The following HK3 variants were observed in gnomAD, a reference collection of about 807,000 sequenced individuals.
HK3 encodes hexokinase 3.
In HK3, 93 loss-of-function variants were observed where a neutral mutation model predicts 91.0. The observed-to-expected ratio is 1.02, with a 90% CI of 0.86 to 1.21. The LOEUF (loss-of-function observed/expected upper bound fraction) is 1.21. Ranked by LOEUF, HK3 falls within the 50% of genes most tolerant of loss-of-function variation. The pLI, the probability that HK3 is intolerant of heterozygous loss-of-function variation, is 0.00. For missense variants in HK3, 1,235 were observed against 1,247.4 expected (o/e 0.99, Z 0.15); for synonymous variants, 519 against 516.9 (o/e 1.00, Z -0.06).
At position 176,882,287 on chromosome 5, in the gene HK3, C is replaced by T. The variant is rs1434823386; in HGVS notation, c.2054-160G>A. 2.9e-5 allele frequency: 22 copies of T among 752,818 alleles called. No homozygotes were observed. The East Asian group carries it at 5.4e-4, about 19-fold the overall frequency. 46.6% of individuals were successfully genotyped at this position (752,818 alleles called of 1,614,324 possible). ...TGGTCCTTCTTCCTTCCCGACATCC[C>T]TCGTGCAGACCCTGCCAGCTCCAAG... On this transcript the variant is annotated intron_variant, in intron 15 of 18. Coordinates refer to ENST00000292432, the MANE Select transcript of HK3 (RefSeq NM_002115.3).
chr5:176,880,965 TG>T lies in HK3; in HGVS notation c.*107del. 1 of 1,317,052 alleles carries T rather than the reference TG, an allele frequency of 7.6e-7. No individual in the cohort carries two copies. Among genetic ancestry groups the T allele is most frequent in the Non-Finnish European group, 1.0e-6 (1 of 984,424 alleles). The allele number at this position is 1,317,052 out of a possible 1,614,324, so 81.6% of individuals were successfully genotyped here. A position where few individuals can be genotyped will look rare whatever the true frequency, so the allele number is the denominator to read the frequency against. ...CAAATGGCCGCAGAGGGGTCACACATGGGATGTCCCAGGAGTCCTGGGTGGC... is the reference window on the plus strand; with the variant it reads ...CAAATGGCCGCAGAGGGGTCACACATGGATGTCCCAGGAGTCCTGGGTGGC... On this transcript the variant is annotated 3_prime_UTR_variant, in exon 19 of 19. Coordinates refer to ENST00000292432, the MANE Select transcript of HK3 (RefSeq NM_002115.3).
Position 176,880,955 on chromosome 5 carries a change from G to T in HK3, c.*118C>A. On this transcript the variant is annotated 3_prime_UTR_variant, in exon 19 of 19. Transcript: ENST00000292432. Reference sequence around the variant, plus strand: ...GGAGCAAGGCCAAATGGCCGCAGAGGGGTCACACATGGGATGTCCCAGGAG... The same window carrying T: ...GGAGCAAGGCCAAATGGCCGCAGAGTGGTCACACATGGGATGTCCCAGGAG... 8.5e-7 allele frequency: 1 copy of T among 1,178,334 alleles called. No individual in the cohort carries two copies. Among genetic ancestry groups the T allele is most frequent in the Non-Finnish European group, 1.2e-6 (1 of 865,700 alleles). The allele number at this position is 1,178,334 out of a possible 1,614,324, so 73.0% of individuals were successfully genotyped here.
Position 176,882,032 on chromosome 5 carries a change from C to T in HK3, c.2149G>A (p.Ala717Thr), listed in dbSNP as rs761890560. The change falls in exon 16 of 19, where the codon GCC becomes ACC. Residue 717 changes from alanine to threonine, a missense_variant. By Grantham distance (58) the Ala-to-Thr change is moderately conservative (BLOSUM62 0). This residue lies in a region of HK3 where 513 missense variants were observed against 477.4 expected (regional missense o/e 1.07). Transcript: ENST00000292432. ...GRMCINMEWG[A>T]FGDDGSLAML... Reference sequence around the variant, plus strand: ...GCCAGAGAGCCATCGTCCCCAAAGGCGCCCCACTCCATGTTGATGCACATG... The same window carrying T: ...GCCAGAGAGCCATCGTCCCCAAAGGTGCCCCACTCCATGTTGATGCACATG... 42 of 1,613,098 alleles carry T rather than the reference C, an allele frequency of 2.6e-5. No individual in the cohort carries two copies. The highest frequency in any genetic ancestry group is 1.1e-4 in the East Asian group (5 of 44,896).
In HK3 at chr5:176,883,832, G is replaced by A. The variant is rs754994587; in HGVS notation, c.1991C>T (p.Thr664Met). 7.9e-5 allele frequency: 128 copies of A among 1,613,964 alleles called. No individual in the cohort carries two copies. The highest frequency in any genetic ancestry group is 1.8e-4 in the East Asian group (8 of 44,892). ...GCCACAGGACATCATGGTCCCCACC[G>A]TGTCATTGACAATGGCAACCACATT... ...ELNVVAIVND[T>M]VGTMMSCGYE... Residue 664 changes from threonine to methionine, a missense_variant, in exon 15 of 19, where the codon ACG becomes ATG. By Grantham distance (81) the Thr-to-Met change is moderately conservative. Coordinates refer to ENST00000292432, the MANE Select transcript of HK3 (RefSeq NM_002115.3).
At chr5:176,896,207 C>G in intron 1 of HK3, 22 bp from the exon 2 acceptor site, 1 of 1,409,116 alleles carries the variant, frequency 7.1e-7, no homozygotes. Context: ...AAGGGACAAC[C>G]TGGGTCAACC....
Position 176,886,990 on chromosome 5 carries a change from G to A in HK3, c.1857+12C>T. 6.2e-7 allele frequency: 1 copy of A among 1,613,758 alleles called. No individual in the cohort carries two copies. The highest frequency in any genetic ancestry group is 1.1e-5 in the South Asian group (1 of 90,966). On this transcript the variant is annotated intron_variant, in intron 13 of 18. Transcript: ENST00000292432. ...AGGCCCTTGGGAATCACTTCTCTTG[G>A]CCCTCCCTCACCTGGTCTAGGCCAA...
Position 176,882,012 on chromosome 5 carries a change from A to G in HK3, c.2169T>C (p.Ser723=). Residue 723 remains serine (S), a synonymous_variant, in exon 16 of 19, where the codon TCT becomes TCC. Transcript: ENST00000292432. The stretch of plus-strand genomic sequence containing the variant: ...CAAAGCGGGTGCTGAGCATGGCCAG[A>G]GAGCCATCGTCCCCAAAGGCGCCCC... The part of the protein sequence containing the change: ...MEWGAFGDDG[S]LAMLSTRFDA... The G allele has an allele frequency of 6.2e-7, 1 of 1,613,354 alleles. No homozygotes were observed. Among genetic ancestry groups the G allele is most frequent in the African/African-American group, 1.3e-5 (1 of 75,054 alleles).
At chr5:176,892,519 C>T (rs1758805318) in intron 2 of HK3, among the ~76,000 whole-genome samples, 1 of 152,086 alleles carries the variant, frequency 6.6e-6, no homozygotes, top group Non-Finnish European at 1.5e-5. Flanking sequence ...CCAGGGACCT[C>T]ATCCCTGTGA....
intron 13 of HK3, among the ~76,000 whole-genome samples, chr5:176,885,667 G>C (rs569729507): frequency 6.6e-6 from 1 of 151,852 alleles, no homozygotes; most frequent in African/African-American, 2.4e-5. Context: ...TGATTCACCC[G>C]TCTCAGACTC....
chr5:176,883,124 G>A lies in HK3; in HGVS notation c.2053+646C>T, dbSNP rs145760261. Among the ~76,000 whole-genome samples, 330 of 152,282 alleles carry A rather than the reference G, an allele frequency of 2.2e-3. 1 individual carries two copies. The highest frequency in any genetic ancestry group is 7.6e-3 in the African/African-American group (315 of 41,556). Reference sequence around the variant, plus strand: ...TGTAGAATCAAGTCACTCTCTGACCGCTACGTGTTGTTCTGGGCTTAACCC... The same window carrying A: ...TGTAGAATCAAGTCACTCTCTGACCACTACGTGTTGTTCTGGGCTTAACCC... On this transcript the variant is annotated intron_variant, in intron 15 of 18. Transcript: ENST00000292432.
rs547220441 is a variant in HK3 at position 176,884,415 on chromosome 5, G to A, written c.1858-281C>T. 6.8e-4 allele frequency among the ~76,000 whole-genome samples: 104 copies of A among 152,320 alleles called. No homozygotes were observed. Among genetic ancestry groups the A allele is most frequent in the African/African-American group, 1.9e-3 (81 of 41,568 alleles). ...TCTGGCCATTTTAAGACGTGTGCCCGGAAGGAATGGCCCTTTGTAATTGGG... is the reference window on the plus strand; with the variant it reads ...TCTGGCCATTTTAAGACGTGTGCCCAGAAGGAATGGCCCTTTGTAATTGGG... On this transcript the variant is annotated intron_variant, in intron 13 of 18. Coordinates refer to ENST00000292432, the MANE Select transcript of HK3 (RefSeq NM_002115.3). The surrounding 1 kb of genome is among the most constrained non-coding windows in gnomAD (Gnocchi z 4.1).
chr5:176,888,599 C>T, intron 9 of HK3, 34 bp from the exon 10 acceptor site: 1 of 1,600,504 alleles, frequency 6.2e-7, no homozygotes, highest in Non-Finnish European at 8.5e-7. Flanking sequence ...TGGGGCTCAG[C>T]CCAGAAGCTC....
chr5:176,887,184 G>C lies in HK3; in HGVS notation c.1737+17C>G. On this transcript the variant is annotated intron_variant, in intron 12 of 18. Coordinates refer to ENST00000292432, the MANE Select transcript of HK3 (RefSeq NM_002115.3). This position sits in a 1 kb window ranked among gnomAD's most constrained non-coding sequence, Gnocchi z 4.9. ...GCCCTTCCCCACCTCTGACATCAAG[G>C]TTCAGGCTGTGGGTACCTGCTGCCC... 1 of 1,614,154 alleles carries C rather than the reference G, an allele frequency of 6.2e-7. No homozygotes were observed.
rs1037757596 is a variant in HK3 at position 176,888,261 on chromosome 5, G to A, written c.1304+71C>T. On this transcript the variant is annotated intron_variant, in intron 10 of 18. Transcript: ENST00000292432. ...ACTGGCTTGCACATGTGATCCCAGA[G>A]GGCCCTCTGGGTGTGTATCACACAC... 3 of 1,309,076 alleles carry A rather than the reference G, an allele frequency of 2.3e-6. No individual in the cohort carries two copies. In the Admixed American group the frequency reaches 6.1e-5, roughly 27 times the overall value. 81.1% of individuals were successfully genotyped at this position (1,309,076 alleles called of 1,614,324 possible).
Position 176,881,432 on chromosome 5 carries a change from A to T in HK3, c.2497T>A (p.Ser833Thr). 1 of 1,611,848 alleles carries T rather than the reference A, an allele frequency of 6.2e-7. No homozygotes were observed. Among genetic ancestry groups the T allele is most frequent in the Middle Eastern group, 1.6e-4 (1 of 6,062 alleles). Residue 833 changes from serine (S) to threonine (T), a missense_variant, in exon 18 of 19, where the codon TCC (serine) becomes ACC (threonine). Physicochemically the swap from Ser to Thr is moderately conservative, Grantham distance 58 (BLOSUM62 1). Around this residue, in one of 3 missense-constraint regions of HK3, gnomAD observed 513 missense variants for 477.4 expected, o/e 1.07. Coordinates refer to ENST00000292432, the MANE Select transcript of HK3 (RefSeq NM_002115.3). ...CCACAGAGCTGGGCAGCCCTCTGGG[A>T]CACAGCCTGGCACACCTCTAGCACC... ...LMVLEVCQAVSQRAAQLCGAG... is the reference protein window; with the variant it reads ...LMVLEVCQAVTQRAAQLCGAG...
intron 10 of HK3, 92 bp downstream of exon 10, chr5:176,888,240 G>A (rs1758654342): frequency 9.2e-7 from 1 of 1,087,610 alleles, no homozygotes; most frequent in Admixed American, 2.1e-5. Flanking sequence ...GTGTCCACTG[G>A]CTTGCACATG....
Position 176,891,503 on chromosome 5 carries a change from C to T in HK3, c.144G>A (p.Gln48=), listed in dbSNP as rs1006552798. ...QQFKVTRAQL[Q]QIQASLLGSM... ...AACCCAAGAGGCTGGCTTGGATCTG[C>T]TGTAGCTGTGCCCTTGTCACCTTGA... is the stretch of plus-strand genomic sequence containing the variant. The change falls in exon 3 of 19, where the codon CAG becomes CAA. Residue 48 remains glutamine, a synonymous_variant. Transcript: ENST00000292432. 1.9e-6 allele frequency: 3 copies of T among 1,614,060 alleles called. No homozygotes were observed. Among genetic ancestry groups the T allele is most frequent in the Non-Finnish European group, 2.5e-6 (3 of 1,180,014 alleles).
intron 1 of HK3, among the ~76,000 whole-genome samples, chr5:176,898,742 C>T (rs1382851391): frequency 6.6e-6 from 1 of 152,190 alleles, no homozygotes; most frequent in African/African-American, 2.4e-5. Context: ...GCCTAAGGGC[C>T]CCGTGGCTTC....
At position 176,881,338 on chromosome 5, in the gene HK3, A is replaced by G. The variant is rs1758421115; in HGVS notation, c.2591T>C (p.Val864Ala). 6.2e-7 allele frequency: 1 copy of G among 1,613,840 alleles called. No homozygotes were observed. The highest frequency in any genetic ancestry group is 1.7e-5 in the Admixed American group (1 of 60,012). ...CTTGTAGAGCGTTCCATCCACCCCC[A>G]CAGACACTGCCAGCTCTTCCAGGCC... The part of the protein sequence containing the change: ...NRGLEELAVS[V>A]GVDGTLYKLH... Residue 864 changes from valine (V) to alanine (A), a missense_variant, in exon 18 of 19, where the codon GTG becomes GCG. Val to Ala is a moderately conservative substitution (Grantham distance 64, BLOSUM62 0). Transcript: ENST00000292432.
Sources: gnomAD v4.1 joint callset for allele counts (sites outside exome capture counted in the v4.1 genomes callset) on GRCh38, gnomAD v4.1.1 for gene constraint, gnomAD v4.1.1 regional missense constraint, Gnocchi (gnomAD v3.1) non-coding constraint, MANE v1.5 for transcripts, NCBI Gene and HGNC (gene_info 2026-07-23, HGNC 2026-07-21) for gene names.